OTC: variants seen among roughly 807,000 people sequenced by gnomAD.
OTC encodes ornithine transcarbamylase, also known as ornithine transcarbamylase, mitochondrial.
A neutral mutation model predicts 30.3 loss-of-function variants in OTC; 3 were observed. The observed-to-expected ratio is 0.10, with a 90% CI of 0.05 to 0.26. The LOEUF is 0.26. Ranked by LOEUF, OTC falls within the 10% of genes least tolerant of loss-of-function variation. The pLI, the probability that OTC is intolerant of heterozygous loss-of-function variation, is 1.00. For missense variants in OTC, 194 were observed against 260.3 expected, an observed-to-expected ratio of 0.75 and a Z score of 1.75; for synonymous variants, 111 against 99.7, an observed-to-expected ratio of 1.11 and a Z score of -0.67.
intron 6 of OTC, among the ~76,000 whole-genome samples, chrX:38,408,503 C>T (rs951565884): frequency 9.0e-6 from 1 of 111,370 alleles, no homozygotes; most frequent in African/African-American, 3.3e-5. Context: ...TTATGTTTGC[C>T]TTTATGATTA....
intron 2 of OTC, among the ~76,000 whole-genome samples, chrX:38,368,629 G>A (rs1019517299): frequency 2.8e-5 from 3 of 105,419 alleles, no homozygotes; most frequent in Non-Finnish European, 5.8e-5. Flanking sequence ...CTGCTTAATT[G>A]TGAAAGCATT....
chrX:38,333,805 A>C, the OTC span, among the ~76,000 whole-genome samples: 3 of 112,644 alleles, frequency 2.7e-5, no homozygotes, highest in Admixed American at 1.9e-4. Flanking sequence ...CTCTATATGG[A>C]ATCAGATAAA....
At chrX:38,361,747 C>T (rs1236753245) in intron 1 of OTC, among the ~76,000 whole-genome samples, 1 of 112,051 alleles carries the variant, frequency 8.9e-6, no homozygotes, top group East Asian at 2.8e-4. Flanking sequence ...ATTCTCAATG[C>T]TTCTAATGTT....
the OTC span, among the ~76,000 whole-genome samples, chrX:38,345,830 C>A: frequency 9.0e-6 from 1 of 111,110 alleles, no homozygotes; most frequent in African/African-American, 3.3e-5. Context: ...CATGAGCCAC[C>A]GTGCCCGACC....
chrX:38,391,286 C>A (rs897759753), intron 4 of OTC, among the ~76,000 whole-genome samples: 1 of 110,855 alleles, frequency 9.0e-6, no homozygotes, highest in Non-Finnish European at 1.9e-5. Context: ...GGAGATATAC[C>A]TAATGTTAAA....
chrX:38,421,785 A>G (rs563014435), downstream of OTC, among the ~76,000 whole-genome samples: 4 of 111,864 alleles, frequency 3.6e-5, no homozygotes, highest in African/African-American at 1.3e-4. Flanking sequence ...ATGGATACCT[A>G]GAGTAGCATT....
chrX:38,415,152 C>A (rs981910921), intron 9 of OTC, among the ~76,000 whole-genome samples: 2 of 110,208 alleles, frequency 1.8e-5, no homozygotes, highest in African/African-American at 3.3e-5. Flanking sequence ...GATCTCGGCT[C>A]ACTGCAACCT....
chrX:38,395,622 C>A, intron 4 of OTC: 1 of 149,412 alleles, frequency 6.7e-6, no homozygotes, highest in South Asian at 1.9e-4. Context: ...CAGTTCCATC[C>A]ATAGGAGGAA....
chrX:38,364,209 T>C (rs758890798), intron 1 of OTC, among the ~76,000 whole-genome samples: 1 of 112,116 alleles, frequency 8.9e-6, no homozygotes. Flanking sequence ...TCGTGTATGT[T>C]TTGTTATGTA....
chrX:38,385,963 T>C (rs976841749), intron 4 of OTC, among the ~76,000 whole-genome samples: 1 of 108,915 alleles, frequency 9.2e-6, no homozygotes, highest in Non-Finnish European at 1.9e-5. Context: ...TCCGCACACC[T>C]GTAGTCCCAG....
chrX:38,406,904 TAGA>T (rs1199396774), intron 6 of OTC, among the ~76,000 whole-genome samples: 1 of 112,592 alleles, frequency 8.9e-6, no homozygotes, highest in East Asian at 2.8e-4. Context: ...AATGCTTTAA[TAGA>T]AGAAGAAACT....
At chrX:38,329,584 C>T in the OTC span, among the ~76,000 whole-genome samples, 1 of 111,787 alleles carries the variant, frequency 8.9e-6, no homozygotes. Context: ...ACCCCCACCC[C>T]CTTTTTCTGC....
chrX:38,395,859 C>T lies in OTC; in HGVS notation c.387-5416C>T, dbSNP rs181511176. The T allele has an allele frequency of 7.2e-5, 8 of 111,746 alleles. No homozygotes were observed. In the East Asian group the frequency reaches 2.2e-3, roughly 31 times the overall value. The allele number at this position is 111,746 out of a possible 1,213,427, so 9.2% of individuals were successfully genotyped here. The stretch of plus-strand genomic sequence containing the variant: ...CCAACCTGGCCAACTAATTCTAGTT[C>T]AAATGCTTTTGAAATGGCCATGATC... On this transcript the variant is annotated intron_variant, in intron 4 of 9. Transcript: ENST00000039007.
chrX:38,368,616 G>A (rs1479662220), intron 2 of OTC, among the ~76,000 whole-genome samples: 1 of 106,001 alleles, frequency 9.4e-6, no homozygotes, highest in African/African-American at 3.5e-5. Flanking sequence ...AGCTTCATTT[G>A]GACTGCTTAA....
chrX:38,375,819 TG>T (rs995005156), intron 3 of OTC, among the ~76,000 whole-genome samples: 3 of 111,272 alleles, frequency 2.7e-5, no homozygotes, highest in African/African-American at 9.8e-5. Flanking sequence ...TTTAAGGCCA[TG>T]GGACTGGATA....
At chrX:38,353,147 G>A (rs1359514144) in intron 1 of OTC, among the ~76,000 whole-genome samples, 1 of 112,061 alleles carries the variant, frequency 8.9e-6, no homozygotes, top group Admixed American at 9.5e-5. Flanking sequence ...AGACTAATCA[G>A]TTCTTTTGAA....
intron 2 of OTC, 133 bp from the exon 3 acceptor site, chrX:38,369,663 A>T (rs2068314189): frequency 6.2e-6 from 2 of 322,116 alleles, no homozygotes; most frequent in East Asian, 1.3e-4. Flanking sequence ...CCTGGCCTAA[A>T]TTCACTTTTT....
At chrX:38,412,680 A>G (rs780197185) in intron 9 of OTC, among the ~76,000 whole-genome samples, 6 of 112,188 alleles carry the variant, frequency 5.3e-5, no homozygotes, top group Admixed American at 4.7e-4. Context: ...CCATTTTTTT[A>G]GCTTTTAGTG....
chrX:38,407,097 A>C (rs1394397389), intron 6 of OTC, among the ~76,000 whole-genome samples: 1 of 112,748 alleles, frequency 8.9e-6, no homozygotes, highest in African/African-American at 3.2e-5. Flanking sequence ...AGCAGGAGTA[A>C]GAGGGAGAAG....
Sources: allele counts gnomAD v4.1 joint callset (sites outside exome capture counted in the v4.1 genomes callset), GRCh38; gene constraint gnomAD v4.1.1; transcripts MANE v1.5; gene names NCBI Gene and HGNC (gene_info 2026-07-23, HGNC 2026-07-21).